The following QRSL1 variants were observed in gnomAD, a reference collection of about 807,000 sequenced individuals.
QRSL1 encodes glutaminyl-tRNA amidotransferase subunit QRSL1.
Under a neutral mutation model 61.6 loss-of-function variants are expected in QRSL1, and 54 were observed. The ratio of observed to expected loss-of-function variants is 0.88; its 90% CI spans 0.70 to 1.10. QRSL1 has a LOEUF of 1.10. Ranked by LOEUF, QRSL1 falls within the 50% of genes least tolerant of loss-of-function variation. The pLI, the probability that QRSL1 is intolerant of heterozygous loss-of-function variation, is 0.00. For synonymous variants in QRSL1, 228 were observed against 225.7 expected (o/e 1.01, Z -0.09); for missense variants, 505 against 622.6 (o/e 0.81, Z 2.01).
intron 1 of QRSL1, among the ~76,000 whole-genome samples, chr6:106,639,555 T>C (rs1248042722): frequency 1.3e-5 from 2 of 152,218 alleles, no homozygotes; most frequent in Non-Finnish European, 2.9e-5. Flanking sequence ...TCTAATTCAA[T>C]TATCTTTTCA....
rs904829518 is a variant in QRSL1, at chr6:106,631,175, A to G, written c.24+1470A>G. Among the ~76,000 whole-genome samples, 31 of 152,228 alleles carry G rather than the reference A, an allele frequency of 2.0e-4. No individual in the cohort carries two copies. The South Asian group carries it at 4.6e-3, about 22-fold the overall frequency. ...CGGGAGGCGGAGCTTGCAGTGAGCC[A>G]AGATCACGCCACTGCACTCCAGCCT... On this transcript the variant is annotated intron_variant, in intron 1 of 10. Transcript: ENST00000369046.
intron 1 of QRSL1, among the ~76,000 whole-genome samples, chr6:106,635,613 G>A (rs1039672858): frequency 2.6e-5 from 4 of 152,106 alleles, no homozygotes; most frequent in South Asian, 2.1e-4. Context: ...AGTGGCTCTC[G>A]CCTATAATCC....
intron 1 of QRSL1, among the ~76,000 whole-genome samples, chr6:106,639,678 A>C (rs1032073224): frequency 6.6e-6 from 1 of 151,608 alleles, no homozygotes; most frequent in Admixed American, 6.6e-5. Context: ...GACACTCATC[A>C]CTCCATCTTA....
rs1290815789 is a variant in QRSL1, at chr6:106,666,599, T to G, written c.*597T>G. The G allele has an allele frequency of 1.3e-5, 2 of 153,926 alleles. No individual in the cohort carries two copies. Among genetic ancestry groups the G allele is most frequent in the Non-Finnish European group, 2.9e-5 (2 of 69,200 alleles). 9.5% of individuals were successfully genotyped at this position (153,926 alleles called of 1,614,324 possible). On this transcript the variant is annotated 3_prime_UTR_variant, in exon 11 of 11. Coordinates refer to ENST00000369046, the MANE Select transcript of QRSL1 (RefSeq NM_018292.5). Reference sequence around the variant, plus strand: ...AAAGAGTTTACAGTAAAAATAAGATTAGGGATAAACTTCTCAAAAATTGTA... The same window carrying G: ...AAAGAGTTTACAGTAAAAATAAGATGAGGGATAAACTTCTCAAAAATTGTA...
At chr6:106,645,225 T>C (rs1777089057) in intron 4 of QRSL1, among the ~76,000 whole-genome samples, 1 of 152,234 alleles carries the variant, frequency 6.6e-6, no homozygotes, top group Admixed American at 6.5e-5. Flanking sequence ...TGATATGTTT[T>C]AGAATAAGCT....
Position 106,654,874 on chromosome 6 carries a change from A to G in QRSL1, c.994A>G (p.Thr332Ala). 6.2e-7 allele frequency: 1 copy of G among 1,611,674 alleles called. No homozygotes were observed. ...YSIVCYHVLC[T>A]SEVASNMARF... The stretch of plus-strand genomic sequence containing the variant: ...AATTGTCTGCTACCATGTATTGTGC[A>G]CATCAGAAGTGGCATCGAATATGGC... Residue 332 changes from threonine to alanine, a missense_variant, in exon 8 of 11, where the codon ACA becomes GCA. By Grantham distance (58) the Thr-to-Ala change is moderately conservative. Coordinates refer to ENST00000369046, the MANE Select transcript of QRSL1 (RefSeq NM_018292.5).
chr6:106,657,788 C>CT (rs2114715321), intron 9 of QRSL1, among the ~76,000 whole-genome samples: 1 of 152,228 alleles, frequency 6.6e-6, no homozygotes, highest in African/African-American at 2.4e-5. Flanking sequence ...TCACTGCAAC[C>CT]CTGCCTCCTG....
In QRSL1 at chr6:106,659,321, TG is replaced by T. The variant is rs559506383; in HGVS notation, c.1160+3592del. On this transcript the variant is annotated intron_variant, in intron 9 of 10. Transcript: ENST00000369046. ...CTCTACTAAAAATACAAAAATTAGCTGGGTGGGAAGGCGTATGCCTGTAATT... is the reference window on the plus strand; with the variant it reads ...CTCTACTAAAAATACAAAAATTAGCTGGTGGGAAGGCGTATGCCTGTAATT... Among the ~76,000 whole-genome samples, 546 of 152,118 alleles carry T rather than the reference TG, an allele frequency of 3.6e-3. 6 individuals are homozygous for T. The highest frequency in any genetic ancestry group is 0.013 in the African/African-American group (525 of 41,498).
At chr6:106,650,212 T>G (rs3804345) in intron 5 of QRSL1, among the ~76,000 whole-genome samples, 64,979 of 152,028 alleles carry the variant, frequency 0.43, 14,535 homozygotes, top group Non-Finnish European at 0.51. Flanking sequence ...ATGTGCTTTT[T>G]AGTAGATGGC....
chr6:106,647,574 AG>A (rs1777129511), intron 4 of QRSL1, among the ~76,000 whole-genome samples: 1 of 139,936 alleles, frequency 7.1e-6, no homozygotes, highest in Non-Finnish European at 1.6e-5. Flanking sequence ...AAAAAAAAAG[AG>A]AGAGACAATG....
intron 9 of QRSL1, 132 bp from the exon 10 acceptor site, chr6:106,662,848 C>A: frequency 2.5e-6 from 2 of 786,128 alleles, no homozygotes. Context: ...GGGCATTACA[C>A]AGGCAAGCCA....
intron 2 of QRSL1, 97 bp from the exon 3 acceptor site, chr6:106,640,726 C>G: frequency 1.7e-6 from 2 of 1,181,080 alleles, no homozygotes; most frequent in Non-Finnish European, 2.4e-6. Flanking sequence ...GAAGAAGTAT[C>G]TTTGCCAAAA....
Position 106,652,133 on chromosome 6 carries a change from T to C in QRSL1, c.558-76T>C, listed in dbSNP as rs553905066. 4.0e-5 allele frequency: 54 copies of C among 1,362,346 alleles called. No homozygotes were observed. In the African/African-American group the frequency reaches 7.4e-4, roughly 19 times the overall value. The allele number at this position is 1,362,346 out of a possible 1,614,324, so 84.4% of individuals were successfully genotyped here. A position where few individuals can be genotyped will look rare whatever the true frequency, so the allele number is the denominator to read the frequency against. ...CAGAGGAAAATACAGTTTAAAAATA[T>C]ACAATTGAAAGGGTAGATTCCAAAT... On this transcript the variant is annotated intron_variant, in intron 5 of 10. Transcript: ENST00000369046.
chr6:106,637,683 T>G (rs1776945726), intron 1 of QRSL1, among the ~76,000 whole-genome samples: 1 of 152,198 alleles, frequency 6.6e-6, no homozygotes, highest in South Asian at 2.1e-4. Flanking sequence ...AGACCTAGTT[T>G]CCATTAGAGA....
chr6:106,634,307 T>C (rs1157462151), intron 1 of QRSL1, among the ~76,000 whole-genome samples: 7 of 152,172 alleles, frequency 4.6e-5, no homozygotes, highest in East Asian at 1.9e-4. Context: ...AGGAGCCAAA[T>C]TGTGGAGAAC....
chr6:106,640,464 T>C lies in QRSL1; in HGVS notation c.140T>C (p.Val47Ala). The C allele has an allele frequency of 6.2e-7, 1 of 1,600,830 alleles. No homozygotes were observed. The highest frequency in any genetic ancestry group is 8.5e-7 in the Non-Finnish European group (1 of 1,176,212). Residue 47 changes from valine to alanine, a missense_variant, in exon 2 of 11, where the codon GTG (valine) becomes GCG (alanine). Physicochemically the swap from Val to Ala is moderately conservative, Grantham distance 64. Coordinates refer to ENST00000369046, the MANE Select transcript of QRSL1 (RefSeq NM_018292.5). Reference sequence around the variant, plus strand: ...GCCTACATTACTGTGTCAGAAGAGGTGGCCTTAAAACAAGCTGAAGAATCA... The same window carrying C: ...GCCTACATTACTGTGTCAGAAGAGGCGGCCTTAAAACAAGCTGAAGAATCA... ...LNAYITVSEE[V>A]ALKQAEESEK...
chr6:106,636,684 G>T (rs1475040654), intron 1 of QRSL1, among the ~76,000 whole-genome samples: 1 of 152,110 alleles, frequency 6.6e-6, no homozygotes, highest in African/African-American at 2.4e-5. Flanking sequence ...TGTAAATGGA[G>T]ATAATAATAG....
chr6:106,637,434 G>T (rs1019040658), intron 1 of QRSL1, among the ~76,000 whole-genome samples: 1 of 152,212 alleles, frequency 6.6e-6, no homozygotes, highest in Non-Finnish European at 1.5e-5. Context: ...AAAGATGACA[G>T]TGTGCTAGCC....
chr6:106,647,642 T>A (rs1306803140), intron 4 of QRSL1, among the ~76,000 whole-genome samples: 2 of 124,032 alleles, frequency 1.6e-5, no homozygotes, highest in African/African-American at 3.0e-5. Context: ...TAAAATGCCA[T>A]AAAGTACTTT....
Sources: gnomAD v4.1 joint callset for allele counts (sites outside exome capture counted in the v4.1 genomes callset) on GRCh38, gnomAD v4.1.1 for gene constraint, MANE v1.5 for transcripts, NCBI Gene and HGNC (gene_info 2026-07-23, HGNC 2026-07-21) for gene names.